The following CUX2 variants were observed in gnomAD, a reference collection of about 807,000 sequenced individuals.
The protein encoded by CUX2 is cut like homeobox 2, also known as homeobox protein cut-like 2.
In CUX2, 40 loss-of-function variants were observed where a neutral mutation model predicts 144.8. The ratio of observed to expected loss-of-function variants is 0.28; its 90% CI spans 0.21 to 0.36. CUX2 has a LOEUF of 0.36. Ranked by LOEUF, CUX2 falls within the 10% of genes least tolerant of loss-of-function variation. The pLI is 1.00. For synonymous variants in CUX2, 827 were observed against 875.6 expected (o/e 0.94, Z 0.98); for missense variants, 1,615 against 1,994.0 (o/e 0.81, Z 3.62).
intron 1 of CUX2, among the ~76,000 whole-genome samples, chr12:111,188,006 C>T (rs1198986155): frequency 5.3e-5 from 8 of 152,254 alleles, no homozygotes; most frequent in Non-Finnish European, 8.8e-5. Flanking sequence ...TTACGTCCCT[C>T]AAGGACATAT....
At chr12:111,280,656 C>T (rs941392520) in intron 4 of CUX2, among the ~76,000 whole-genome samples, 4 of 152,212 alleles carry the variant, frequency 2.6e-5, no homozygotes, top group Admixed American at 2.0e-4. Flanking sequence ...ACACGCCTCT[C>T]TCCCAGCTTC....
At position 111,338,091 on chromosome 12, in the gene CUX2, A is replaced by G. The variant is rs1446710125; in HGVS notation, c.3197-195A>G. Among the ~76,000 whole-genome samples, 3 of 151,428 alleles carry G rather than the reference A, an allele frequency of 2.0e-5. No individual in the cohort carries two copies. The East Asian group carries it at 5.8e-4, about 29-fold the overall frequency. On this transcript the variant is annotated intron_variant, in intron 19 of 21. Coordinates refer to ENST00000261726, the MANE Select transcript of CUX2 (RefSeq NM_015267.4). ...GGTTGCTGCCTCGTCCTGCCCCCAA[A>G]TCTCTTTTACAGACAGACCCCCCTC... is the stretch of plus-strand genomic sequence containing the variant.
intron 4 of CUX2, among the ~76,000 whole-genome samples, 172 bp from the exon 5 acceptor site, chr12:111,291,246 C>A (rs1885663779): frequency 1.3e-5 from 2 of 152,182 alleles, no homozygotes; most frequent in Non-Finnish European, 2.9e-5. Context: ...CTCCCCTGAA[C>A]AAGTGCCTGG....
At chr12:111,202,095 A>G (rs1053191913) in intron 1 of CUX2, among the ~76,000 whole-genome samples, 1 of 152,228 alleles carries the variant, frequency 6.6e-6, no homozygotes, top group Non-Finnish European at 1.5e-5. Flanking sequence ...CCTGGCATGT[A>G]GTAGGTGCTC....
intron 1 of CUX2, among the ~76,000 whole-genome samples, chr12:111,127,503 G>A (rs968316941): frequency 1.3e-5 from 2 of 152,136 alleles, no homozygotes; most frequent in Admixed American, 1.3e-4. Flanking sequence ...TCCCTTCTTC[G>A]CCTGTTGTTC....
chr12:111,125,930 G>T (rs1033170314), intron 1 of CUX2, among the ~76,000 whole-genome samples: 1 of 151,960 alleles, frequency 6.6e-6, no homozygotes, highest in Non-Finnish European at 1.5e-5. Context: ...GAAACTAAAC[G>T]AAACACATCT....
chr12:111,295,535 T>A lies in CUX2; in HGVS notation c.637+126T>A, dbSNP rs2136339413. Reference sequence around the variant, plus strand: ...TAGAATCAAGAGGGCAAAATGGGAGTTTGGGAAGAATAATCTTACCCAGTG... The same window carrying A: ...TAGAATCAAGAGGGCAAAATGGGAGATTGGGAAGAATAATCTTACCCAGTG... On this transcript the variant is annotated intron_variant, in intron 7 of 21. Coordinates refer to ENST00000261726, the MANE Select transcript of CUX2 (RefSeq NM_015267.4). This position sits in a 1 kb window ranked among gnomAD's most constrained non-coding sequence, Gnocchi z 5.0. The A allele has an allele frequency of 1.3e-6, 1 of 761,006 alleles. No homozygotes were observed. The highest frequency in any genetic ancestry group is 2.4e-4 in the Middle Eastern group (1 of 4,240). The allele number at this position is 761,006 out of a possible 1,614,324, so 47.1% of individuals were successfully genotyped here.
chr12:111,103,103 G>A (rs1566222287), intron 1 of CUX2, among the ~76,000 whole-genome samples: 1 of 152,156 alleles, frequency 6.6e-6, no homozygotes, highest in East Asian at 1.9e-4. Context: ...ATTGGATGGG[G>A]GTGAAGCTTT....
chr12:111,322,359 G>T lies in CUX2; in HGVS notation c.2767-62G>T. 134 of 1,232,844 alleles carry T rather than the reference G, an allele frequency of 1.1e-4. No homozygotes were observed. The highest frequency in any genetic ancestry group is 1.4e-4 in the Non-Finnish European group (124 of 901,410). The allele number at this position is 1,232,844 out of a possible 1,614,324, so 76.4% of individuals were successfully genotyped here. Reference sequence around the variant, plus strand: ...AAAAAAAAAAAGGTTGGGGAGGAGAGTGAGGGCCAGGCCCATGTCCCAGGG... The same window carrying T: ...AAAAAAAAAAAGGTTGGGGAGGAGATTGAGGGCCAGGCCCATGTCCCAGGG... On this transcript the variant is annotated intron_variant, in intron 17 of 21. Transcript: ENST00000261726. The surrounding 1 kb of genome is among the most constrained non-coding windows in gnomAD (Gnocchi z 4.2).
intron 1 of CUX2, among the ~76,000 whole-genome samples, chr12:111,191,187 C>T (rs1462862968): frequency 1.3e-5 from 2 of 152,126 alleles, no homozygotes; most frequent in East Asian, 3.8e-4. Context: ...TGGTGGTACT[C>T]AACTGGTAGA....
At chr12:111,130,360 T>C (rs1378053315) in intron 1 of CUX2, among the ~76,000 whole-genome samples, 1 of 152,210 alleles carries the variant, frequency 6.6e-6, no homozygotes, top group Non-Finnish European at 1.5e-5. Context: ...TCTCCACTTC[T>C]AGGAACACCA....
chr12:111,063,372 A>C (rs1235718936), intron 1 of CUX2, among the ~76,000 whole-genome samples: 1 of 151,344 alleles, frequency 6.6e-6, no homozygotes, highest in Non-Finnish European at 1.5e-5. Context: ...ACATTGCTCC[A>C]GGCGTGCAGC....
At chr12:111,082,769 A>G (rs1246506278) in intron 1 of CUX2, among the ~76,000 whole-genome samples, 6 of 152,178 alleles carry the variant, frequency 3.9e-5, no homozygotes, top group Admixed American at 3.9e-4. Context: ...TCAGAGGGGA[A>G]GGCATGGCCA....
chr12:111,048,284 G>T (rs1870094965), intron 1 of CUX2, among the ~76,000 whole-genome samples: 1 of 152,198 alleles, frequency 6.6e-6, no homozygotes, highest in African/African-American at 2.4e-5. Context: ...ATAGGCAAAG[G>T]ACAGCATCTG....
intron 7 of CUX2, 116 bp from the exon 8 acceptor site, chr12:111,296,357 C>A: frequency 2.5e-6 from 2 of 809,688 alleles, no homozygotes; most frequent in Non-Finnish European, 4.0e-6. Context: ...CCCTCACTAC[C>A]CGAGCTCTCA....
At chr12:111,038,830 C>T (rs138549003) in intron 1 of CUX2, among the ~76,000 whole-genome samples, 7 of 150,930 alleles carry the variant, frequency 4.6e-5, no homozygotes, top group Admixed American at 1.3e-4. Flanking sequence ...GGAGAAACCA[C>T]GGACCAGCTA....
chr12:111,323,694 C>A (rs140747235), intron 18 of CUX2, among the ~76,000 whole-genome samples: 7,396 of 152,144 alleles, frequency 0.049, 193 homozygotes, highest in South Asian at 0.09. Flanking sequence ...GAGGCTGAGG[C>A]AGGAGGATCA....
At chr12:111,259,061 G>GTGTGTGTGTGTGTGTGTGTT (rs1883979909) in intron 3 of CUX2, among the ~76,000 whole-genome samples, 1 of 146,668 alleles carries the variant, frequency 6.8e-6, no homozygotes, top group Admixed American at 6.7e-5. Context: ...GTGTGTGTGT[G>GTGTGTGTGTGTGTGTGTGTT]TGTGTGTGTG....
At chr12:111,197,268 G>T (rs1221666800) in intron 1 of CUX2, among the ~76,000 whole-genome samples, 2 of 152,226 alleles carry the variant, frequency 1.3e-5, no homozygotes, top group Admixed American at 6.5e-5. Flanking sequence ...CTTAGTCAGT[G>T]TGGGAAAGGA....
Sources: allele counts gnomAD v4.1 joint callset (sites outside exome capture counted in the v4.1 genomes callset), GRCh38; gene constraint gnomAD v4.1.1; non-coding constraint Gnocchi (gnomAD v3.1); transcripts MANE v1.5; gene names NCBI Gene and HGNC (gene_info 2026-07-23, HGNC 2026-07-21).